AFDN: variants seen among roughly 807,000 people sequenced by gnomAD.
AFDN encodes afadin.
A neutral mutation model predicts 216.6 loss-of-function variants in AFDN; 68 were observed. The observed-to-expected ratio is 0.31, with a 90% CI of 0.26 to 0.38. AFDN has a LOEUF of 0.38. Among genes scored for constraint, AFDN ranks in the 10% least tolerant of loss-of-function variants. The pLI is 1.00. For missense variants in AFDN, 2,136 were observed against 2,342.0 expected (o/e 0.91, Z 1.82); for synonymous variants, 868 against 853.7 (o/e 1.02, Z -0.29).
chr6:167,896,183 T>G (rs1465499262), intron 9 of AFDN, among the ~76,000 whole-genome samples: 5 of 149,640 alleles, frequency 3.3e-5, no homozygotes, highest in Non-Finnish European at 7.4e-5. Flanking sequence ...CACATGCTCA[T>G]ATAAATTAAA....
At chr6:167,891,879 G>C (rs1038038246) in intron 8 of AFDN, among the ~76,000 whole-genome samples, 1 of 152,132 alleles carries the variant, frequency 6.6e-6, no homozygotes, top group Admixed American at 6.5e-5. Flanking sequence ...AAGAAAGCCC[G>C]AGTAGTAATC....
rs570178128 is a variant in AFDN at position 167,966,750 on chromosome 6, G to A, written c.5257+705G>A. ...TTAAGTAGCCTGTGGAATAGATCACGCGCTCTCATGGTGGTTTGGTTGGTG... is the reference window on the plus strand; with the variant it reads ...TTAAGTAGCCTGTGGAATAGATCACACGCTCTCATGGTGGTTTGGTTGGTG... On this transcript the variant is annotated intron_variant, in intron 32 of 33. Coordinates refer to ENST00000683244, the MANE Select transcript of AFDN (RefSeq NM_001386888.1). Among the ~76,000 whole-genome samples the A allele has an allele frequency of 1.2e-4, 18 of 152,322 alleles. No individual in the cohort carries two copies. In the South Asian group the frequency reaches 2.1e-3, roughly 18 times the overall value.
At chr6:167,902,169 A>G (rs1384339145) in intron 11 of AFDN, 148 bp from the exon 12 acceptor site, 1 of 542,178 alleles carries the variant, frequency 1.8e-6, no homozygotes, top group Non-Finnish European at 3.3e-6. Flanking sequence ...TGGTTTTTTA[A>G]TTCTGTAAGT....
At chr6:167,968,302 T>C (rs1797759282) in intron 32 of AFDN, 1 of 152,232 alleles carries the variant, frequency 6.6e-6, no homozygotes, top group Admixed American at 6.5e-5. Flanking sequence ...TGGCGCCCTC[T>C]GCAGGGTGGT....
intron 30 of AFDN, among the ~76,000 whole-genome samples, chr6:167,961,703 G>GA (rs1365709748): frequency 6.6e-6 from 1 of 152,226 alleles, no homozygotes; most frequent in African/African-American, 2.4e-5. Context: ...CCTGAAAACA[G>GA]AATGGATTGT....
intron 23 of AFDN, among the ~76,000 whole-genome samples, chr6:167,938,872 A>G (rs776581683): frequency 3.9e-5 from 6 of 152,210 alleles, no homozygotes; most frequent in Non-Finnish European, 8.8e-5. Flanking sequence ...CCAAAAATGA[A>G]AATTGGGAGT....
rs1797096448 is a variant in AFDN at position 167,962,130 on chromosome 6, G to A, written c.4834-303G>A. 6.6e-6 allele frequency among the ~76,000 whole-genome samples: 1 copy of A among 152,190 alleles called. No homozygotes were observed. The highest frequency in any genetic ancestry group is 2.1e-4 in the South Asian group (1 of 4,826). On this transcript the variant is annotated intron_variant, in intron 30 of 33. Coordinates refer to ENST00000683244, the MANE Select transcript of AFDN (RefSeq NM_001386888.1). This position sits in a 1 kb window ranked among gnomAD's most constrained non-coding sequence, Gnocchi z 5.2. Reference sequence around the variant, plus strand: ...GAACGGGTTAACTAAATTTGTTCCAGTAAAAGAATTGTGCTTGTTGAATGT... The same window carrying A: ...GAACGGGTTAACTAAATTTGTTCCAATAAAAGAATTGTGCTTGTTGAATGT...
Position 167,963,222 on chromosome 6 carries a change from T to A in AFDN, c.4968+655T>A, listed in dbSNP as rs569098250. The A allele has an allele frequency of 1.3e-4, 140 of 1,065,072 alleles. 1 individual carries two copies. The South Asian group carries it at 5.6e-3, about 42-fold the overall frequency. 66.0% of individuals were successfully genotyped at this position (1,065,072 alleles called of 1,614,324 possible). The stretch of plus-strand genomic sequence containing the variant: ...GGGGATTTTGAGATGTTTCTCTCCA[T>A]ATCTCCCTTTGTCCTGTGTGTGTGG... On this transcript the variant is annotated intron_variant, in intron 31 of 33. Transcript: ENST00000683244.
intron 11 of AFDN, among the ~76,000 whole-genome samples, chr6:167,899,146 T>C (rs2268947): frequency 0.3 from 46,081 of 151,932 alleles, 8,041 homozygotes; most frequent in East Asian, 0.6. Context: ...TCCCATTGTT[T>C]TGTTCTACGG....
chr6:167,911,263 G>C (rs543873227), intron 14 of AFDN, 21 bp from the exon 15 acceptor site: 3 of 1,604,802 alleles, frequency 1.9e-6, no homozygotes, highest in South Asian at 1.1e-5. Context: ...TTTTTTCTTT[G>C]TTTTTGAAAT....
intron 1 of AFDN, among the ~76,000 whole-genome samples, chr6:167,839,045 A>T (rs1780760561): frequency 6.6e-6 from 1 of 152,116 alleles, no homozygotes; most frequent in South Asian, 2.1e-4. Context: ...ATTTAACTTC[A>T]AAAACTTTTT....
Position 167,896,879 on chromosome 6 carries a change from T to C in AFDN, c.1224T>C (p.Asp408=). ...FAYYNYHTYE[D]GSDSRDKPKL... ...GCTGTCTTCCTTCTCTTCTCACAGA[T>C]GGTTCTGACTCTAGAGATAAGCCAA... The change falls in exon 10 of 34, where the codon GAT becomes GAC. Residue 408 remains aspartate (D), a splice_region_variant and synonymous_variant. Transcript: ENST00000683244. The C allele has an allele frequency of 1.9e-6, 3 of 1,602,342 alleles. No individual in the cohort carries two copies. The highest frequency in any genetic ancestry group is 2.6e-6 in the Non-Finnish European group (3 of 1,169,998).
chr6:167,963,402 A>G (rs1272091790), intron 31 of AFDN: 2 of 1,055,878 alleles, frequency 1.9e-6, no homozygotes, highest in East Asian at 1.1e-4. Flanking sequence ...CAGTGTTACA[A>G]CTTCTGATGG....
In AFDN at chr6:167,829,103, C is replaced by T. The variant is rs1282480495; in HGVS notation, c.105+1866C>T. ...ACTTGGAAAAAAAGATGATATATTT[C>T]ATTTCCTAATTTTTCTCCCTACTTA... On this transcript the variant is annotated intron_variant, in intron 1 of 33. Coordinates refer to ENST00000683244, the MANE Select transcript of AFDN (RefSeq NM_001386888.1). 3.9e-5 allele frequency among the ~76,000 whole-genome samples: 6 copies of T among 152,206 alleles called. No individual in the cohort carries two copies. In the East Asian group the frequency reaches 1.2e-3, roughly 29 times the overall value.
chr6:167,965,650 C>A, intron 31 of AFDN, 107 bp from the exon 32 acceptor site: 2 of 1,080,588 alleles, frequency 1.9e-6, no homozygotes, highest in Non-Finnish European at 2.6e-6. Flanking sequence ...AACTATTAAA[C>A]TTTGACGTCA....
chr6:167,924,951 T>C, intron 22 of AFDN, 54 bp from the exon 23 acceptor site: 1 of 1,263,806 alleles, frequency 7.9e-7, no homozygotes, highest in East Asian at 2.3e-5. Context: ...TGTCTAACCA[T>C]ACAGAAGCAC....
rs1364773104 is a variant in AFDN, at chr6:167,943,461, ACT to A, written c.3231_3232del (p.Gln1078GlyfsTer50). On this transcript the variant is annotated frameshift_variant, in exon 25 of 34. Coordinates refer to ENST00000683244, the MANE Select transcript of AFDN (RefSeq NM_001386888.1). LOFTEE classifies it high-confidence loss of function. Reference sequence around the variant, plus strand: ...GTGTGGATGGACGAAGTCTGGTTGGACTCTCTCAGGAAAGGTATCATTGATTT... The same window carrying A: ...GTGTGGATGGACGAAGTCTGGTTGGACTCTCAGGAAAGGTATCATTGATTT... ...LSVDGRSLVG[L>X]SQERAAELMT... 6.2e-7 allele frequency: 1 copy of A among 1,613,578 alleles called. No homozygotes were observed. Among genetic ancestry groups the A allele is most frequent in the Non-Finnish European group, 8.5e-7 (1 of 1,179,582 alleles).
intron 23 of AFDN, among the ~76,000 whole-genome samples, chr6:167,936,569 G>GT (rs895122922): frequency 1.3e-4 from 20 of 149,152 alleles, no homozygotes; most frequent in Admixed American, 3.3e-4. Flanking sequence ...GTTTCATACA[G>GT]TTTTTTTTTT....
chr6:167,945,525 T>C (rs1302020257), intron 26 of AFDN, among the ~76,000 whole-genome samples: 1 of 152,230 alleles, frequency 6.6e-6, no homozygotes, highest in African/African-American at 2.4e-5. Flanking sequence ...CCGTGTATAA[T>C]TGTATGAACT....
Sources: allele counts gnomAD v4.1 joint callset (sites outside exome capture counted in the v4.1 genomes callset), GRCh38; gene constraint gnomAD v4.1.1; non-coding constraint Gnocchi (gnomAD v3.1); transcripts MANE v1.5; gene names NCBI Gene and HGNC (gene_info 2026-07-23, HGNC 2026-07-21).